Variants in SYNE1 observed in about 807,000 individuals in gnomAD.
SYNE1 encodes the protein spectrin repeat containing nuclear envelope protein 1.
A neutral mutation model predicts 1,111.0 loss-of-function variants in SYNE1; 616 were observed. The observed-to-expected ratio is 0.55, with a 90% CI of 0.52 to 0.59. The LOEUF (loss-of-function observed/expected upper bound fraction) is 0.59, where lower values mean the gene tolerates loss of function less well. Among genes scored for constraint, SYNE1 ranks in the 20% least tolerant of loss-of-function variants. The pLI, the probability that SYNE1 is intolerant of heterozygous loss-of-function variation, is 0.00. For synonymous variants in SYNE1, 3,855 were observed against 3,825.8 expected, an observed-to-expected ratio of 1.01 and a Z score of -0.28; for missense variants, 10,006 against 10,417.0, an observed-to-expected ratio of 0.96 and a Z score of 1.72.
chr6:152,183,659 A>G (rs923891783), intron 128 of SYNE1, among the ~76,000 whole-genome samples: 3 of 152,196 alleles, frequency 2.0e-5, no homozygotes, highest in Non-Finnish European at 4.4e-5. Context: ...AACTCCTTAC[A>G]CTGCCCCCGA....
chr6:152,606,976 C>CTTTTTTTTTTTTTTTTTTTT (rs11387272), intron 3 of SYNE1, among the ~76,000 whole-genome samples: 4 of 109,102 alleles, frequency 3.7e-5, no homozygotes, highest in African/African-American at 1.1e-4. Context: ...TGCCTCGGTT[C>CTTTTTTTTTTTTTTTTTTTT]TCTTTTTTTT....
intron 20 of SYNE1, 86 bp from the exon 21 acceptor site, chr6:152,461,826 A>C: frequency 6.4e-7 from 1 of 1,557,830 alleles, no homozygotes; most frequent in Non-Finnish European, 8.8e-7. Context: ...AACAAAAATC[A>C]ATATGCACTG....
intron 11 of SYNE1, among the ~76,000 whole-genome samples, chr6:152,493,796 C>T (rs768353543): frequency 2.6e-5 from 4 of 152,196 alleles, no homozygotes; most frequent in African/African-American, 9.7e-5. Flanking sequence ...AGCAACAACT[C>T]CTTTCCTTCC....
intron 67 of SYNE1, 134 bp from the exon 68 acceptor site, chr6:152,353,878 C>A: frequency 1.8e-6 from 2 of 1,095,514 alleles, no homozygotes; most frequent in East Asian, 2.4e-5. Context: ...TTTGAAAATG[C>A]CATATGTTAT....
chr6:152,551,099 C>G (rs1223374440), intron 3 of SYNE1, among the ~76,000 whole-genome samples: 4 of 152,174 alleles, frequency 2.6e-5, no homozygotes, highest in African/African-American at 9.7e-5. Context: ...TTTCCTTCCT[C>G]TATTTGTGGA....
At chr6:152,374,188 A>C (rs1161971680) in intron 58 of SYNE1, among the ~76,000 whole-genome samples, 2 of 152,234 alleles carry the variant, frequency 1.3e-5, no homozygotes, top group African/African-American at 4.8e-5. Flanking sequence ...GTGTAGCTAC[A>C]GTATATACTT....
At chr6:152,404,116 T>TATATATATATAC in intron 46 of SYNE1, 97 bp downstream of exon 46, 1 of 616,570 alleles carries the variant, frequency 1.6e-6, no homozygotes, top group East Asian at 3.4e-5. Context: ...TATATATATA[T>TATATATATATAC]ACACACACAC....
chr6:152,451,468 A>ATTTTTTTT (rs145882121), intron 25 of SYNE1, among the ~76,000 whole-genome samples: 3 of 49,828 alleles, frequency 6.0e-5, no homozygotes, highest in African/African-American at 8.4e-5. Context: ...CCTGCACCGT[A>ATTTTTTTT]TTTTTTTTTT....
chr6:152,206,266 C>T lies in SYNE1; in HGVS notation c.22921G>A (p.Ala7641Thr). 1 of 1,613,942 alleles carries T rather than the reference C, an allele frequency of 6.2e-7. No individual in the cohort carries two copies. Among genetic ancestry groups the T allele is most frequent in the Non-Finnish European group, 8.5e-7 (1 of 1,180,028 alleles). ...LLLSADSGAE[A>T]ALQAELAEIQ... Reference sequence around the variant, plus strand: ...TCAGCGAGTTCGGCCTGCAAGGCGGCCTCAGCGCCACTGTCCGCCGAGAGA... The same window carrying T: ...TCAGCGAGTTCGGCCTGCAAGGCGGTCTCAGCGCCACTGTCCGCCGAGAGA... The change falls in exon 126 of 146, where the codon GCC (alanine) becomes ACC (threonine). Residue 7641 changes from alanine to threonine, a missense_variant. Physicochemically the swap from Ala to Thr is moderately conservative, Grantham distance 58 (BLOSUM62 0). This residue lies in a region of SYNE1 where 2,182 missense variants were observed against 2,287.8 expected (regional missense o/e 0.95). Coordinates refer to ENST00000367255, the MANE Select transcript of SYNE1 (RefSeq NM_182961.4).
At chr6:152,158,280 T>C (rs2061753373) in intron 131 of SYNE1, among the ~76,000 whole-genome samples, 1 of 152,214 alleles carries the variant, frequency 6.6e-6, no homozygotes, top group Non-Finnish European at 1.5e-5. Context: ...GTTTACTATA[T>C]TCATCAATGT....
rs1265778592 is a variant in SYNE1 at position 152,239,614 on chromosome 6, G to T, written c.19986C>A (p.Phe6662Leu). The T allele has an allele frequency of 1.9e-6, 3 of 1,614,186 alleles. No individual in the cohort carries two copies. In the Admixed American group the frequency reaches 5.0e-5, roughly 27 times the overall value. ...AAGCCTGAGCCATCAGCTCTGTATG[G>T]AACTGGGTTTCCTTTTGGACTGCAA... ...ISFAVQKETQ[F>L]HTELMAQASA... Residue 6662 changes from phenylalanine (F) to leucine (L), a missense_variant, in exon 108 of 146, where the codon TTC becomes TTA. Transcript: ENST00000367255.
At chr6:152,442,053 GC>G in intron 31 of SYNE1, 21 bp downstream of exon 31, 1 of 1,613,696 alleles carries the variant, frequency 6.2e-7, no homozygotes, top group South Asian at 1.1e-5. Context: ...TGTTTAAATG[GC>G]CCCTAACTTC....
chr6:152,490,340 GTCA>G (rs2098963791), intron 11 of SYNE1, among the ~76,000 whole-genome samples: 2 of 152,032 alleles, frequency 1.3e-5, no homozygotes, highest in African/African-American at 4.8e-5. Flanking sequence ...CAAAATCCTT[GTCA>G]GGCCTCTGAG....
intron 127 of SYNE1, among the ~76,000 whole-genome samples, chr6:152,193,931 T>G (rs2073343549): frequency 6.7e-6 from 1 of 149,562 alleles, no homozygotes; most frequent in South Asian, 2.1e-4. Context: ...GAGAATGGCA[T>G]GAACCCAGGA....
chr6:152,323,602 G>A lies in SYNE1; in HGVS notation c.15793C>T (p.Gln5265Ter). The A allele has an allele frequency of 6.2e-7, 1 of 1,614,244 alleles. No homozygotes were observed. The highest frequency in any genetic ancestry group is 8.5e-7 in the Non-Finnish European group (1 of 1,180,048). The change falls in exon 82 of 146, where the codon CAG becomes TAG. Residue 5265 changes from glutamine to a stop codon, truncating the protein, a stop_gained. Transcript: ENST00000367255. LOFTEE classifies it high-confidence loss of function. ...DTFVLELEQQ[Q>*]SALGMLRQQT... ...TGCCGCAGCATGCCCAAGGCCGACT[G>A]CTGCTGCTCCAGCTCCAGAACGAAC...
rs2154257554 is a variant in SYNE1, at chr6:152,455,592, T to C, written c.2728-2A>G. On this transcript the variant is annotated splice_acceptor_variant, in intron 23 of 145. Transcript: ENST00000367255. LOFTEE classifies it high-confidence loss of function. ...ATCTCCAGTTTTCTTTACCATACTC[T>C]TGATGTGAAAAACAATCATAATGTG... 1 of 1,614,180 alleles carries C rather than the reference T, an allele frequency of 6.2e-7. No homozygotes were observed.
At position 152,207,820 on chromosome 6, in the gene SYNE1, G is replaced by T. The variant is rs556311027; in HGVS notation, c.22824+152C>A. On this transcript the variant is annotated intron_variant, in intron 125 of 145. Coordinates refer to ENST00000367255, the MANE Select transcript of SYNE1 (RefSeq NM_182961.4). ...CACCATTAGATATGGGCTTTGTATT[G>T]CAATCATTTTGTATATTTCTGTTGA... 8 of 804,048 alleles carry T rather than the reference G, an allele frequency of 9.9e-6. No individual in the cohort carries two copies. The African/African-American group carries it at 1.4e-4, about 14-fold the overall frequency. The allele number at this position is 804,048 out of a possible 1,614,324, so 49.8% of individuals were successfully genotyped here. A position where few individuals can be genotyped will look rare whatever the true frequency, so the allele number is the denominator to read the frequency against.
chr6:152,150,302 T>C (rs1180884295), intron 135 of SYNE1, among the ~76,000 whole-genome samples: 2 of 152,192 alleles, frequency 1.3e-5, no homozygotes, highest in African/African-American at 4.8e-5. Flanking sequence ...CAATAATAAA[T>C]TGTGGAAGAG....
At chr6:152,242,153 A>C (rs2085870748) in intron 107 of SYNE1, 87 bp downstream of exon 107, 1 of 1,282,982 alleles carries the variant, frequency 7.8e-7, no homozygotes, top group Non-Finnish European at 1.1e-6. Context: ...AAGACTGAGA[A>C]TATTAGGTTT....
Sources: allele counts gnomAD v4.1 joint callset (sites outside exome capture counted in the v4.1 genomes callset), GRCh38; gene constraint gnomAD v4.1.1; regional missense constraint gnomAD v4.1.1; transcripts MANE v1.5; gene names NCBI Gene and HGNC (gene_info 2026-07-23, HGNC 2026-07-21).